EDC3: variants seen among roughly 807,000 people sequenced by gnomAD.
EDC3 encodes the protein enhancer of mRNA decapping 3.
In EDC3, 20 loss-of-function variants were observed where a neutral mutation model predicts 41.8. The ratio of observed to expected loss-of-function variants is 0.48; its 90% CI spans 0.34 to 0.70. EDC3 has a LOEUF of 0.70. EDC3 is among the 30% of genes least tolerant of loss of function. The pLI is 0.01. For synonymous variants in EDC3, 206 were observed against 243.2 expected, an observed-to-expected ratio of 0.85 and a Z score of 1.42; for missense variants, 444 against 636.8, an observed-to-expected ratio of 0.70 and a Z score of 3.26.
In EDC3 at chr15:74,632,958, AAG is replaced by A; in HGVS notation, c.1193-14_1193-13del. 1 of 1,611,606 alleles carries A rather than the reference AAG, an allele frequency of 6.2e-7. No individual in the cohort carries two copies. Among genetic ancestry groups the A allele is most frequent in the Non-Finnish European group, 8.5e-7 (1 of 1,178,106 alleles). ...GCTAGTGGGCAGATCTGCAGGTGGA[AAG>A]AGTGCCATCTGAAAGTCCCTATGAG... is the stretch of plus-strand genomic sequence containing the variant. On this transcript the variant is annotated splice_polypyrimidine_tract_variant and intron_variant, in intron 6 of 6. Transcript: ENST00000315127. This position sits in a 1 kb window ranked among gnomAD's most constrained non-coding sequence, Gnocchi z 4.0.
intron 1 of EDC3, among the ~76,000 whole-genome samples, chr15:74,682,555 T>C (rs1263376210): frequency 6.8e-6 from 1 of 147,526 alleles, no homozygotes; most frequent in South Asian, 2.2e-4. Flanking sequence ...GAGGTGGAGC[T>C]TGCAGTGAGC....
intron 4 of EDC3, 139 bp downstream of exon 4, chr15:74,655,594 C>A: frequency 1.2e-6 from 1 of 819,474 alleles, no homozygotes; most frequent in Non-Finnish European, 1.9e-6. Context: ...CCCCAAGAGA[C>A]AATAATACCG....
At chr15:74,653,778 G>A (rs896430513) in intron 4 of EDC3, among the ~76,000 whole-genome samples, 20 of 152,160 alleles carry the variant, frequency 1.3e-4, no homozygotes, top group African/African-American at 4.8e-4. Context: ...GAAGTGTGAA[G>A]ATCAAGTTGG....
At chr15:74,644,795 G>A (rs1293290310) in intron 4 of EDC3, 2 of 151,986 alleles carry the variant, frequency 1.3e-5, no homozygotes, top group African/African-American at 4.8e-5. Flanking sequence ...ACTTTAAGAG[G>A]CAAAGAACTG....
At chr15:74,674,751 A>G in intron 2 of EDC3, 1 of 576,588 alleles carries the variant, frequency 1.7e-6, no homozygotes, top group Non-Finnish European at 3.1e-6. Flanking sequence ...ATGGTGGTTC[A>G]CACCTGAAAT....
chr15:74,639,182 C>G (rs1356621185), intron 5 of EDC3: 1 of 152,232 alleles, frequency 6.6e-6, no homozygotes, highest in African/African-American at 2.4e-5. Flanking sequence ...ATCTCACTGC[C>G]TTCAGTCTTG....
At chr15:74,647,096 A>G (rs1596307275) in intron 4 of EDC3, among the ~76,000 whole-genome samples, 1 of 143,204 alleles carries the variant, frequency 7.0e-6, no homozygotes, top group African/African-American at 2.6e-5. Flanking sequence ...TGCAAACTCC[A>G]CCTCCTGGGT....
chr15:74,678,628 G>A lies in EDC3; in HGVS notation c.-18-3486C>T, dbSNP rs373224761. Among the ~76,000 whole-genome samples the A allele has an allele frequency of 3.9e-5, 6 of 152,260 alleles. No individual in the cohort carries two copies. In the East Asian group the frequency reaches 9.6e-4, roughly 24 times the overall value. ...AATGAGGCTGGATGCAATGGCTCAT[G>A]CCTGTAATCCCAGCACTTTGGGAGA... On this transcript the variant is annotated intron_variant, in intron 1 of 6. Coordinates refer to ENST00000315127, the MANE Select transcript of EDC3 (RefSeq NM_025083.5).
chr15:74,654,068 T>C lies in EDC3; in HGVS notation c.820+1665A>G, dbSNP rs1042325575. ...GAGTTCAAGACCAGCCTGGCCAACA[T>C]AGTGAAACCCCATCTCTACTAAAAA... On this transcript the variant is annotated intron_variant, in intron 4 of 6. Coordinates refer to ENST00000315127, the MANE Select transcript of EDC3 (RefSeq NM_025083.5). Among the ~76,000 whole-genome samples the C allele has an allele frequency of 4.6e-5, 7 of 152,028 alleles. No individual in the cohort carries two copies. In the East Asian group the frequency reaches 1.2e-3, roughly 25 times the overall value.
intron 4 of EDC3, among the ~76,000 whole-genome samples, chr15:74,646,064 G>GTTTT (rs11359170): frequency 1.6e-5 from 2 of 127,510 alleles, no homozygotes; most frequent in Non-Finnish European, 3.3e-5. Context: ...TTGTTGTTTT[G>GTTTT]TTTTTTTTTT....
chr15:74,646,059 G>GT (rs1030593171), intron 4 of EDC3, among the ~76,000 whole-genome samples: 5 of 133,330 alleles, frequency 3.8e-5, no homozygotes, highest in South Asian at 2.5e-4. Context: ...TGTTGTTGTT[G>GT]TTTTGTTTTT....
intron 4 of EDC3, among the ~76,000 whole-genome samples, chr15:74,646,031 C>G (rs1047991867): frequency 6.6e-6 from 1 of 151,016 alleles, no homozygotes; most frequent in African/African-American, 2.4e-5. Flanking sequence ...ATACAGAGAC[C>G]GTTCCCAGTC....
chr15:74,658,442 C>T (rs2062576637), intron 3 of EDC3, among the ~76,000 whole-genome samples: 1 of 151,966 alleles, frequency 6.6e-6, no homozygotes, highest in South Asian at 2.1e-4. Context: ...ATATAGAATG[C>T]TCACTGTGGT....
At chr15:74,658,624 GAAAAAAA>G (rs60193835) in intron 3 of EDC3, among the ~76,000 whole-genome samples, 3 of 39,036 alleles carry the variant, frequency 7.7e-5, no homozygotes, top group East Asian at 1.4e-3. Context: ...TTACGTCTCT[GAAAAAAA>G]AAAAAAAAAA....
chr15:74,693,661 T>C (rs1275378622), intron 1 of EDC3, among the ~76,000 whole-genome samples: 2 of 152,082 alleles, frequency 1.3e-5, no homozygotes, highest in East Asian at 3.9e-4. Flanking sequence ...ATCTGGCAAA[T>C]TCCTCCATCT....
intron 1 of EDC3, among the ~76,000 whole-genome samples, chr15:74,678,285 A>T (rs1332276859): frequency 2.0e-5 from 3 of 152,162 alleles, no homozygotes; most frequent in Non-Finnish European, 2.9e-5. Context: ...AACAAACACG[A>T]CCGTGGTGTG....
intron 3 of EDC3, among the ~76,000 whole-genome samples, chr15:74,659,708 T>TA (rs111984680): frequency 1.3e-5 from 2 of 150,692 alleles, no homozygotes; most frequent in Non-Finnish European, 3.0e-5. Context: ...CCTGTCTTTA[T>TA]AAAAAAATAA....
At chr15:74,674,336 T>C (rs893814719) in intron 2 of EDC3, among the ~76,000 whole-genome samples, 1 of 152,164 alleles carries the variant, frequency 6.6e-6, no homozygotes, top group African/African-American at 2.4e-5. Context: ...TTTGAAATCC[T>C]AGCCTCAAGT....
At chr15:74,684,115 A>T (rs181954741) in intron 1 of EDC3, among the ~76,000 whole-genome samples, 1 of 130,848 alleles carries the variant, frequency 7.6e-6, no homozygotes, top group Admixed American at 8.8e-5. Context: ...GGCTCACTGC[A>T]GCCTCCTGGG....
Sources: allele counts gnomAD v4.1 joint callset (sites outside exome capture counted in the v4.1 genomes callset), GRCh38; gene constraint gnomAD v4.1.1; non-coding constraint Gnocchi (gnomAD v3.1); transcripts MANE v1.5; gene names NCBI Gene and HGNC (gene_info 2026-07-23, HGNC 2026-07-21).